The following SUPT3H variants were observed in gnomAD, a reference collection of about 807,000 sequenced individuals.
SUPT3H encodes SPT3 homolog, SAGA and STAGA complex component, also known as transcription initiation protein SPT3 homolog.
SUPT3H carries 44 observed loss-of-function variants against 44.3 expected under a neutral mutation model. The observed-to-expected ratio is 0.99, with a 90% CI of 0.78 to 1.28. The LOEUF is 1.28. Among genes scored for constraint, SUPT3H ranks in the 50% most tolerant of loss-of-function variants. The pLI is 0.00. For missense variants in SUPT3H, 380 were observed against 387.1 expected (o/e 0.98, Z 0.15); for synonymous variants, 124 against 125.6 (o/e 0.99, Z 0.09).
chr6:45,270,859 T>C (rs1776011645), intron 2 of SUPT3H, among the ~76,000 whole-genome samples: 1 of 152,198 alleles, frequency 6.6e-6, no homozygotes, highest in Non-Finnish European at 1.5e-5. Context: ...AAAATACTGA[T>C]AATGATATGA....
At chr6:44,952,224 A>G (rs1461490020) in intron 9 of SUPT3H, among the ~76,000 whole-genome samples, 1 of 152,200 alleles carries the variant, frequency 6.6e-6, no homozygotes, top group Non-Finnish European at 1.5e-5. Flanking sequence ...GAGAAATTTA[A>G]ACCTAGGGTC....
intron 3 of SUPT3H, among the ~76,000 whole-genome samples, chr6:45,059,692 C>T (rs752846023): frequency 1.3e-5 from 2 of 152,024 alleles, no homozygotes; most frequent in Admixed American, 6.6e-5. Context: ...AAAAGCCCAT[C>T]GTCTCAGTTC....
chr6:45,156,008 G>A (rs558251876), intron 2 of SUPT3H, among the ~76,000 whole-genome samples: 5 of 152,156 alleles, frequency 3.3e-5, no homozygotes, highest in African/African-American at 9.6e-5. Flanking sequence ...ACCTCTTAGA[G>A]TAAATAATAT....
At chr6:44,867,095 C>T (rs1245872047) in intron 10 of SUPT3H, among the ~76,000 whole-genome samples, 5 of 151,686 alleles carry the variant, frequency 3.3e-5, no homozygotes, top group Admixed American at 3.3e-4. Flanking sequence ...GAAATTTGGG[C>T]CACGAATAAT....
At chr6:44,823,954 ACT>A (rs1767548427), downstream of SUPT3H, among the ~76,000 whole-genome samples, 1 of 151,962 alleles carries the variant, frequency 6.6e-6, no homozygotes, top group African/African-American at 2.4e-5. Context: ...CAAGAGTGAA[ACT>A]CTGTCTCAAA....
intron 2 of SUPT3H, among the ~76,000 whole-genome samples, chr6:45,235,629 A>AGGATGGTGAGAAGGT (rs1394157831): frequency 6.6e-6 from 1 of 152,140 alleles, no homozygotes; most frequent in Admixed American, 6.6e-5. Context: ...CTCACGTACT[A>AGGATGGTGAGAAGGT]GGATGGTGAG....
chr6:45,204,245 T>G (rs1374975660), intron 2 of SUPT3H, among the ~76,000 whole-genome samples: 1 of 20,432 alleles, frequency 4.9e-5, no homozygotes, highest in African/African-American at 1.5e-4. Context: ...AGATTCCGTC[T>G]CAAAAAAGAA....
chr6:44,865,509 G>C (rs184707146), intron 10 of SUPT3H, among the ~76,000 whole-genome samples: 288 of 152,136 alleles, frequency 1.9e-3, no homozygotes, highest in African/African-American at 6.6e-3. Context: ...TGGCTGGGGA[G>C]GCCTCACAAG....
Position 44,915,532 on chromosome 6 carries a change from T to C in SUPT3H, c.912+17121A>G, listed in dbSNP as rs954438514. On this transcript the variant is annotated intron_variant, in intron 10 of 10. Coordinates refer to ENST00000371459, the MANE Select transcript of SUPT3H (RefSeq NM_003599.4). ...TAACCTGAAAGACTAGTTCATGCCA[T>C]GATGGGAAGTGGGGGTTGGACATGC... 2.6e-5 allele frequency among the ~76,000 whole-genome samples: 4 copies of C among 152,220 alleles called. 1 individual carries two copies. In the South Asian group the frequency reaches 8.3e-4, roughly 32 times the overall value.
At chr6:45,073,115 T>C (rs1407067986) in intron 3 of SUPT3H, among the ~76,000 whole-genome samples, 4 of 152,096 alleles carry the variant, frequency 2.6e-5, no homozygotes, top group Non-Finnish European at 5.9e-5. Flanking sequence ...TTTTGGTTGA[T>C]ACTTTGACAG....
intron 6 of SUPT3H, among the ~76,000 whole-genome samples, chr6:44,969,943 A>T (rs1777332414): frequency 1.3e-5 from 2 of 152,210 alleles, no homozygotes; most frequent in Admixed American, 1.3e-4. Context: ...AGGATTTAAA[A>T]GAAATTTTGT....
chr6:44,903,315 T>C (rs964429428), intron 10 of SUPT3H, among the ~76,000 whole-genome samples: 5 of 151,290 alleles, frequency 3.3e-5, no homozygotes, highest in Admixed American at 6.6e-5. Flanking sequence ...GAGAGAAGAA[T>C]CAAATAGACA....
At chr6:45,156,783 G>T (rs1807898618) in intron 2 of SUPT3H, among the ~76,000 whole-genome samples, 1 of 151,438 alleles carries the variant, frequency 6.6e-6, no homozygotes, top group Non-Finnish European at 1.5e-5. Flanking sequence ...TGAAGTTTTT[G>T]ATTTTTTTAT....
chr6:44,949,993 G>A (rs1388312479), intron 9 of SUPT3H, among the ~76,000 whole-genome samples: 1 of 152,218 alleles, frequency 6.6e-6, no homozygotes, highest in Non-Finnish European at 1.5e-5. Context: ...AATATTCATA[G>A]CAGGTTTATT....
intron 2 of SUPT3H, among the ~76,000 whole-genome samples, chr6:45,141,355 A>AG (rs1214584469): frequency 6.7e-6 from 1 of 150,170 alleles, no homozygotes; most frequent in Non-Finnish European, 1.5e-5. Flanking sequence ...AAAAAAAAAA[A>AG]AAAAAAAAGA....
At chr6:45,215,274 C>T (rs62400268) in intron 2 of SUPT3H, among the ~76,000 whole-genome samples, 34,536 of 151,930 alleles carry the variant, frequency 0.23, 4,607 homozygotes, top group Non-Finnish European at 0.31. Flanking sequence ...GGTAAAGACA[C>T]AAGAAACATG....
At chr6:45,291,995 T>TC (rs1780384606) in intron 2 of SUPT3H, among the ~76,000 whole-genome samples, 1 of 152,254 alleles carries the variant, frequency 6.6e-6, no homozygotes, top group Admixed American at 6.5e-5. Context: ...CATCAGGTTA[T>TC]CTAAAGTTAA....
chr6:45,180,832 C>G (rs9395077), intron 2 of SUPT3H, among the ~76,000 whole-genome samples: 39 of 151,060 alleles, frequency 2.6e-4, no homozygotes, highest in African/African-American at 9.0e-4. Context: ...TCTAAAACAC[C>G]AAAAGCAATG....
intron 2 of SUPT3H, among the ~76,000 whole-genome samples, chr6:45,110,934 A>G (rs1336562634): frequency 6.6e-6 from 1 of 152,108 alleles, no homozygotes; most frequent in Admixed American, 6.6e-5. Context: ...GTGTGTGTGT[A>G]TTTCTTTTCA....
Sources: gnomAD v4.1 joint callset for allele counts (sites outside exome capture counted in the v4.1 genomes callset) on GRCh38, gnomAD v4.1.1 for gene constraint, MANE v1.5 for transcripts, NCBI Gene and HGNC (gene_info 2026-07-23, HGNC 2026-07-21) for gene names.